The following DIAPH3 variants were observed in gnomAD, a reference collection of about 807,000 sequenced individuals.
The protein encoded by DIAPH3 is diaphanous related formin 3.
A neutral mutation model predicts 144.3 loss-of-function variants in DIAPH3; 117 were observed. The ratio of observed to expected loss-of-function variants is 0.81; its 90% CI spans 0.70 to 0.95. The LOEUF is 0.95. DIAPH3 is among the 40% of genes least tolerant of loss of function. DIAPH3 has a pLI of 0.00. For synonymous variants in DIAPH3, 519 were observed against 488.9 expected (o/e 1.06, Z -0.81); for missense variants, 1,421 against 1,412.7 (o/e 1.01, Z -0.09).
Position 60,042,723 on chromosome 13 carries a change from G to C in DIAPH3, c.593C>G (p.Ser198Cys). ...ATTGCTGGTCAAAGACACTCGGAGA[G>C]ACTCCAGGCATGTGACAAGTCTCTC... Reference protein sequence around the residue: ...ADERLVTCLESLRVSLTSNPV... With the variant: ...ADERLVTCLECLRVSLTSNPV... Residue 198 changes from serine (S) to cysteine (C), a missense_variant, in exon 5 of 28, where the codon TCT becomes TGT. Physicochemically the swap from Ser to Cys is moderately radical, Grantham distance 112. Coordinates refer to ENST00000400324, the MANE Select transcript of DIAPH3 (RefSeq NM_001042517.2). 6.2e-7 allele frequency: 1 copy of C among 1,613,692 alleles called. No homozygotes were observed. The highest frequency in any genetic ancestry group is 8.5e-7 in the Non-Finnish European group (1 of 1,179,778).
intron 27 of DIAPH3, among the ~76,000 whole-genome samples, chr13:59,721,169 T>C (rs1188767718): frequency 6.6e-6 from 1 of 152,144 alleles, no homozygotes; most frequent in Non-Finnish European, 1.5e-5. Flanking sequence ...AGTTCTATTA[T>C]AAAAATCACC....
intron 24 of DIAPH3, among the ~76,000 whole-genome samples, chr13:59,826,362 T>C (rs1026069654): frequency 7.2e-6 from 1 of 138,742 alleles, no homozygotes; most frequent in African/African-American, 2.6e-5. Context: ...TGTACAAAAA[T>C]CACAAGCATT....
Position 59,980,780 on chromosome 13 carries a change from G to A in DIAPH3, c.1545+15C>T. 6.2e-7 allele frequency: 1 copy of A among 1,604,834 alleles called. No homozygotes were observed. Among genetic ancestry groups the A allele is most frequent in the Non-Finnish European group, 8.5e-7 (1 of 1,173,002 alleles). ...TTCCCCACAGAATACTATAAAGTTAGTGAAAACTACTTACTTTCTTGTAAA... is the reference window on the plus strand; with the variant it reads ...TTCCCCACAGAATACTATAAAGTTAATGAAAACTACTTACTTTCTTGTAAA... On this transcript the variant is annotated intron_variant, in intron 14 of 27. Coordinates refer to ENST00000400324, the MANE Select transcript of DIAPH3 (RefSeq NM_001042517.2).
chr13:59,902,015 C>T (rs2046462008), intron 20 of DIAPH3, among the ~76,000 whole-genome samples: 1 of 152,192 alleles, frequency 6.6e-6, no homozygotes, highest in African/African-American at 2.4e-5. Context: ...CCCAACCTAT[C>T]AGCAGTAAAA....
At chr13:59,685,239 C>G (rs967475495) in intron 27 of DIAPH3, among the ~76,000 whole-genome samples, 2 of 152,036 alleles carry the variant, frequency 1.3e-5, no homozygotes, top group African/African-American at 4.8e-5. Flanking sequence ...CTACTCTTAC[C>G]TTCAAATATC....
At chr13:60,052,087 A>G (rs1026802649) in intron 4 of DIAPH3, among the ~76,000 whole-genome samples, 1 of 152,164 alleles carries the variant, frequency 6.6e-6, no homozygotes, top group African/African-American at 2.4e-5. Flanking sequence ...AACCAAGGGC[A>G]GGGTTTATAT....
chr13:60,035,276 A>G (rs993156816), intron 5 of DIAPH3, among the ~76,000 whole-genome samples: 4 of 152,166 alleles, frequency 2.6e-5, no homozygotes, highest in South Asian at 4.1e-4. Flanking sequence ...TCAAAGCCAA[A>G]GCTTTTAAGA....
At chr13:60,098,954 T>C (rs1234859012) in intron 3 of DIAPH3, among the ~76,000 whole-genome samples, 1 of 152,166 alleles carries the variant, frequency 6.6e-6, no homozygotes, top group Non-Finnish European at 1.5e-5. Flanking sequence ...ATATATGAAA[T>C]AAATCTCTAC....
At chr13:59,965,116 G>A (rs916128826) in intron 17 of DIAPH3, among the ~76,000 whole-genome samples, 3 of 152,262 alleles carry the variant, frequency 2.0e-5, no homozygotes, top group East Asian at 3.9e-4. Context: ...GATAATCCAC[G>A]TTTATCACCT....
At chr13:60,123,268 T>C (rs1450121660) in intron 2 of DIAPH3, among the ~76,000 whole-genome samples, 2 of 152,226 alleles carry the variant, frequency 1.3e-5, no homozygotes, top group Non-Finnish European at 1.5e-5. Context: ...TGATTGTCTA[T>C]ACATCCATTT....
chr13:59,858,509 A>G (rs2043387306), intron 22 of DIAPH3, among the ~76,000 whole-genome samples: 1 of 152,186 alleles, frequency 6.6e-6, no homozygotes, highest in Non-Finnish European at 1.5e-5. Context: ...GAAAGGATGG[A>G]AATACATGGT....
chr13:60,015,238 C>G (rs2053559719), intron 7 of DIAPH3, among the ~76,000 whole-genome samples: 1 of 152,066 alleles, frequency 6.6e-6, no homozygotes, highest in Non-Finnish European at 1.5e-5. Context: ...TCAAGCAATC[C>G]CTCCTGCCTC....
At chr13:59,852,348 T>C (rs2043024705) in intron 22 of DIAPH3, among the ~76,000 whole-genome samples, 2 of 152,340 alleles carry the variant, frequency 1.3e-5, no homozygotes, top group Middle Eastern at 3.4e-3. Flanking sequence ...GTAGTTCATA[T>C]TTCCATATGG....
chr13:59,980,788 T>G lies in DIAPH3; in HGVS notation c.1545+7A>C. 6.2e-7 allele frequency: 1 copy of G among 1,605,944 alleles called. No homozygotes were observed. Among genetic ancestry groups the G allele is most frequent in the Non-Finnish European group, 8.5e-7 (1 of 1,173,838 alleles). Reference sequence around the variant, plus strand: ...AGAATACTATAAAGTTAGTGAAAACTACTTACTTTCTTGTAAAGTTCTGAT... The same window carrying G: ...AGAATACTATAAAGTTAGTGAAAACGACTTACTTTCTTGTAAAGTTCTGAT... On this transcript the variant is annotated splice_region_variant and intron_variant, in intron 14 of 27. Transcript: ENST00000400324.
chr13:59,913,887 G>A (rs1278800210), intron 19 of DIAPH3, among the ~76,000 whole-genome samples: 1 of 152,032 alleles, frequency 6.6e-6, no homozygotes, highest in Non-Finnish European at 1.5e-5. Flanking sequence ...GAACCCAGGA[G>A]GCAGAGGTTG....
chr13:59,732,596 C>A (rs751383562), intron 27 of DIAPH3, among the ~76,000 whole-genome samples: 7 of 151,814 alleles, frequency 4.6e-5, no homozygotes, highest in Non-Finnish European at 1.0e-4. Flanking sequence ...CGCACTCCAA[C>A]CCGGCCTGCT....
intron 21 of DIAPH3, among the ~76,000 whole-genome samples, chr13:59,876,709 A>C (rs2044650138): frequency 6.6e-6 from 1 of 152,204 alleles, no homozygotes; most frequent in Admixed American, 6.5e-5. Flanking sequence ...GGAAGGCATA[A>C]GGACATGAGG....
At chr13:59,811,968 CATT>C (rs1437388428) in intron 24 of DIAPH3, among the ~76,000 whole-genome samples, 1 of 151,826 alleles carries the variant, frequency 6.6e-6, no homozygotes, top group East Asian at 1.9e-4. Flanking sequence ...AAGAGAGTAA[CATT>C]ATATTAAACA....
intron 20 of DIAPH3, among the ~76,000 whole-genome samples, chr13:59,884,718 A>G (rs2045322306): frequency 6.6e-6 from 1 of 150,808 alleles, no homozygotes; most frequent in African/African-American, 2.4e-5. Context: ...ACAGACCAAT[A>G]TGTTCATGAT....
Sources: gnomAD v4.1 joint callset for allele counts (sites outside exome capture counted in the v4.1 genomes callset) on GRCh38, gnomAD v4.1.1 for gene constraint, MANE v1.5 for transcripts, NCBI Gene and HGNC (gene_info 2026-07-23, HGNC 2026-07-21) for gene names.